Variants in ZFHX4 observed in about 807,000 individuals in gnomAD.
ZFHX4 encodes the protein zinc finger homeobox protein 4.
Under a neutral mutation model 267.6 loss-of-function variants are expected in ZFHX4, and 56 were observed. That is an observed-to-expected ratio of 0.21 (90% confidence interval 0.17 to 0.26). The LOEUF is 0.26. ZFHX4 is among the 10% of genes least tolerant of loss of function. ZFHX4 has a pLI of 1.00. For missense variants in ZFHX4, 4,332 were observed against 4,420.0 expected (o/e 0.98, Z 0.56); for synonymous variants, 1,778 against 1,665.6 (o/e 1.07, Z -1.64).
intron 3 of ZFHX4, among the ~76,000 whole-genome samples, chr8:76,721,801 A>T (rs1285262474): frequency 2.0e-5 from 3 of 152,156 alleles, no homozygotes; most frequent in Admixed American, 2.0e-4. Flanking sequence ...GTAACAGTAT[A>T]ATTGGAGTCT....
At chr8:76,841,305 ATT>A (rs994363585) in intron 5 of ZFHX4, among the ~76,000 whole-genome samples, 1 of 151,508 alleles carries the variant, frequency 6.6e-6, no homozygotes, top group East Asian at 1.9e-4. Context: ...CACTAAATAG[ATT>A]TTTTTTTGGT....
intron 6 of ZFHX4, among the ~76,000 whole-genome samples, chr8:76,844,321 C>A (rs1812311834): frequency 6.6e-6 from 1 of 152,026 alleles, no homozygotes; most frequent in South Asian, 2.1e-4. Context: ...TATATCCTTC[C>A]CATTCTTCAG....
Position 76,704,956 on chromosome 8 carries a change from A to G in ZFHX4, c.868A>G (p.Ile290Val). 1 of 1,614,026 alleles carries G rather than the reference A, an allele frequency of 6.2e-7. No individual in the cohort carries two copies. The highest frequency in any genetic ancestry group is 8.5e-7 in the Non-Finnish European group (1 of 1,179,886). ...CFLCKLSFGY[I>V]RSFVTHAVHD... Reference sequence around the variant, plus strand: ...CTTGTGCAAGTTGTCTTTTGGTTATATCAGGTCATTTGTAACCCATGCTGT... The same window carrying G: ...CTTGTGCAAGTTGTCTTTTGGTTATGTCAGGTCATTTGTAACCCATGCTGT... Residue 290 changes from isoleucine to valine, a missense_variant, in exon 2 of 11, where the codon ATC becomes GTC. By Grantham distance (29) the Ile-to-Val change is conservative. Coordinates refer to ENST00000651372, the MANE Select transcript of ZFHX4 (RefSeq NM_024721.5).
At chr8:76,829,593 A>G (rs1205823136) in intron 4 of ZFHX4, among the ~76,000 whole-genome samples, 1 of 152,002 alleles carries the variant, frequency 6.6e-6, no homozygotes, top group African/African-American at 2.4e-5. Context: ...GGCAGATCAC[A>G]AGGTCAGGAG....
intron 3 of ZFHX4, among the ~76,000 whole-genome samples, chr8:76,767,253 G>T (rs1052756504): frequency 6.6e-6 from 1 of 152,068 alleles, no homozygotes; most frequent in Non-Finnish European, 1.5e-5. Context: ...GTATAAAAGC[G>T]CTTTAAACCA....
chr8:76,821,267 G>C (rs1200581595), intron 4 of ZFHX4, among the ~76,000 whole-genome samples: 2 of 151,926 alleles, frequency 1.3e-5, no homozygotes. Context: ...TCTACCTTCA[G>C]ATACCACCCT....
intron 10 of ZFHX4, among the ~76,000 whole-genome samples, chr8:76,860,995 G>T (rs1179092981): frequency 6.6e-6 from 1 of 152,028 alleles, no homozygotes; most frequent in Non-Finnish European, 1.5e-5. Flanking sequence ...GCCCCCAAAG[G>T]CATATCTATT....
chr8:76,744,149 C>T (rs1243182513), intron 3 of ZFHX4, among the ~76,000 whole-genome samples: 1 of 151,966 alleles, frequency 6.6e-6, no homozygotes, highest in East Asian at 2.0e-4. Context: ...AGTTCGAGAC[C>T]AGCCTGACCA....
At chr8:76,751,121 A>G (rs983087636) in intron 3 of ZFHX4, among the ~76,000 whole-genome samples, 3 of 152,122 alleles carry the variant, frequency 2.0e-5, no homozygotes, top group African/African-American at 4.8e-5. Context: ...CTTGGAATTC[A>G]CAGAAGATCA....
chr8:76,768,773 A>C (rs1810177156), intron 3 of ZFHX4, among the ~76,000 whole-genome samples: 1 of 152,208 alleles, frequency 6.6e-6, no homozygotes, highest in South Asian at 2.1e-4. Context: ...TAGGAATCTT[A>C]ATTTATGAGT....
intron 4 of ZFHX4, among the ~76,000 whole-genome samples, chr8:76,801,733 G>A (rs1811122302): frequency 6.6e-6 from 1 of 152,094 alleles, no homozygotes; most frequent in Non-Finnish European, 1.5e-5. Context: ...GATTGAACAA[G>A]GACTCACGTG....
Position 76,704,283 on chromosome 8 carries a change from C to T in ZFHX4, c.195C>T (p.Ser65=). The part of the protein sequence containing the change: ...ERKSEALLGF[S]VENAAATQVT... Reference sequence around the variant, plus strand: ...AAAGTGAAGCCTTGCTGGGTTTCAGCGTTGAGAATGCAGCTGCCACTCAGG... The same window carrying T: ...AAAGTGAAGCCTTGCTGGGTTTCAGTGTTGAGAATGCAGCTGCCACTCAGG... Residue 65 remains serine, a synonymous_variant, in exon 2 of 11, where the codon AGC becomes AGT. Transcript: ENST00000651372. 6.2e-7 allele frequency: 1 copy of T among 1,613,936 alleles called. No homozygotes were observed.
Position 76,863,340 on chromosome 8 carries a change from C to A in ZFHX4, c.9626C>A (p.Ala3209Asp). Residue 3209 changes from alanine to aspartate, a missense_variant, in exon 11 of 11, where the codon GCC (alanine) becomes GAC (aspartate). By Grantham distance (126) the Ala-to-Asp change is moderately radical. Coordinates refer to ENST00000651372, the MANE Select transcript of ZFHX4 (RefSeq NM_024721.5). ...AAAATCAAAGAGGAGGAATTAGAGG[C>A]CACCAAACCCGAAAAACACCCCAAA... ...VKKIKEEELE[A>D]TKPEKHPKKE... 6.2e-7 allele frequency: 1 copy of A among 1,613,700 alleles called. No homozygotes were observed. The highest frequency in any genetic ancestry group is 1.3e-5 in the African/African-American group (1 of 74,980).
chr8:76,788,625 T>C (rs765747789), intron 4 of ZFHX4, among the ~76,000 whole-genome samples: 3 of 152,176 alleles, frequency 2.0e-5, no homozygotes, highest in Non-Finnish European at 4.4e-5. Context: ...TGAAATGCCA[T>C]TTTGGGGTGT....
intron 1 of ZFHX4, chr8:76,693,523 G>T (rs867606623): frequency 2.6e-5 from 4 of 152,292 alleles, no homozygotes; most frequent in Middle Eastern, 6.8e-3. Context: ...GTGCGTGTGT[G>T]TGTATGTGTG....
At chr8:76,722,496 A>C (rs1808747888) in intron 3 of ZFHX4, among the ~76,000 whole-genome samples, 1 of 152,030 alleles carries the variant, frequency 6.6e-6, no homozygotes, top group Admixed American at 6.6e-5. Flanking sequence ...AAGAGAGTGA[A>C]AAATATACAC....
chr8:76,840,814 G>A (rs1812214512), intron 5 of ZFHX4, among the ~76,000 whole-genome samples: 1 of 152,178 alleles, frequency 6.6e-6, no homozygotes, highest in Admixed American at 6.5e-5. Context: ...GGACTTGGGA[G>A]GGACACAGCC....
intron 3 of ZFHX4, among the ~76,000 whole-genome samples, chr8:76,724,767 A>C (rs1159151439): frequency 6.6e-6 from 1 of 152,134 alleles, no homozygotes; most frequent in Non-Finnish European, 1.5e-5. Flanking sequence ...ATCCCCAGGC[A>C]GCAGATATAT....
At chr8:76,813,442 T>A (rs534832328) in intron 4 of ZFHX4, among the ~76,000 whole-genome samples, 3 of 152,116 alleles carry the variant, frequency 2.0e-5, no homozygotes, top group Admixed American at 2.0e-4. Context: ...AAATTTGTGG[T>A]TGAGATTTTT....
Sources: allele counts gnomAD v4.1 joint callset (sites outside exome capture counted in the v4.1 genomes callset), GRCh38; gene constraint gnomAD v4.1.1; transcripts MANE v1.5; gene names NCBI Gene and HGNC (gene_info 2026-07-23, HGNC 2026-07-21).